Variants in CAP2 observed in about 807,000 individuals in gnomAD.
CAP2 encodes the protein cyclase associated actin cytoskeleton regulatory protein 2.
CAP2 carries 24 observed loss-of-function variants against 57.7 expected under a neutral mutation model. The ratio of observed to expected loss-of-function variants is 0.42; its 90% CI spans 0.30 to 0.58. CAP2 has a LOEUF of 0.58. CAP2 is among the 20% of genes least tolerant of loss of function. CAP2 has a pLI of 0.22. For missense variants in CAP2, 501 were observed against 590.3 expected, an observed-to-expected ratio of 0.85 and a Z score of 1.57; for synonymous variants, 194 against 207.2, an observed-to-expected ratio of 0.94 and a Z score of 0.55.
At chr6:17,516,156 C>G (rs892876524) in intron 7 of CAP2, among the ~76,000 whole-genome samples, 6 of 152,244 alleles carry the variant, frequency 3.9e-5, no homozygotes, top group African/African-American at 1.4e-4. Context: ...TCTGGGTTGA[C>G]TGGCTCTGCT....
chr6:17,424,297 G>A (rs900097860), intron 2 of CAP2, among the ~76,000 whole-genome samples: 2 of 152,166 alleles, frequency 1.3e-5, no homozygotes, highest in Non-Finnish European at 2.9e-5. Flanking sequence ...CTACTCGGGA[G>A]GCTGAGGCAG....
intron 7 of CAP2, 81 bp downstream of exon 7, chr6:17,514,035 T>G (rs1393546685): frequency 1.1e-6 from 1 of 881,622 alleles, no homozygotes; most frequent in African/African-American, 1.7e-5. Context: ...ATCTCACACC[T>G]TAAAACTTAC....
At chr6:17,543,289 GC>G in intron 11 of CAP2, 146 bp downstream of exon 11, 1 of 692,050 alleles carries the variant, frequency 1.4e-6, no homozygotes, top group Non-Finnish European at 2.5e-6. Flanking sequence ...ACTGTAAGCT[GC>G]GGCCTTGCAC....
chr6:17,410,176 T>TC (rs1162948935), intron 1 of CAP2, among the ~76,000 whole-genome samples: 1 of 152,214 alleles, frequency 6.6e-6, no homozygotes, highest in African/African-American at 2.4e-5. Flanking sequence ...TTCCCAGGGC[T>TC]CAGTTGCATG....
intron 4 of CAP2, among the ~76,000 whole-genome samples, chr6:17,501,842 A>G (rs1761829550): frequency 6.6e-6 from 1 of 152,218 alleles, no homozygotes; most frequent in Non-Finnish European, 1.5e-5. Context: ...AGTCGCATCC[A>G]GCTAAGATAA....
chr6:17,421,721 CT>C, intron 2 of CAP2, 45 bp downstream of exon 2: 1 of 1,608,992 alleles, frequency 6.2e-7, no homozygotes, highest in East Asian at 2.2e-5. Flanking sequence ...TTGTGGGTTA[CT>C]TCATTTTGTT....
intron 4 of CAP2, among the ~76,000 whole-genome samples, chr6:17,486,260 A>G (rs1266581830): frequency 6.6e-6 from 1 of 152,228 alleles, no homozygotes; most frequent in Non-Finnish European, 1.5e-5. Context: ...AAGTTGTGAC[A>G]GTTGATAATT....
chr6:17,503,812 G>A (rs1202047603), intron 4 of CAP2, among the ~76,000 whole-genome samples: 3 of 152,300 alleles, frequency 2.0e-5, no homozygotes, highest in Non-Finnish European at 4.4e-5. Context: ...ACAGAGTGCA[G>A]TCCCTAACAA....
chr6:17,515,931 C>A (rs77637279), intron 7 of CAP2, among the ~76,000 whole-genome samples: 3,537 of 152,268 alleles, frequency 0.023, 144 homozygotes, highest in African/African-American at 0.079. Context: ...TTGTGGTATC[C>A]TGAACAAAGC....
At chr6:17,411,243 A>C (rs1759135290) in intron 1 of CAP2, among the ~76,000 whole-genome samples, 1 of 152,232 alleles carries the variant, frequency 6.6e-6, no homozygotes, top group Non-Finnish European at 1.5e-5. Flanking sequence ...TATTATGAAC[A>C]GTGCTGCTAT....
intron 11 of CAP2, among the ~76,000 whole-genome samples, chr6:17,546,454 A>C (rs186063820): frequency 0.013 from 2,047 of 152,314 alleles, 33 homozygotes; most frequent in Middle Eastern, 0.037. Context: ...GCCCTTTGTC[A>C]GATGAGTAGA....
At chr6:17,553,685 C>A (rs745941230) in intron 12 of CAP2, among the ~76,000 whole-genome samples, 2 of 151,226 alleles carry the variant, frequency 1.3e-5, no homozygotes, top group Non-Finnish European at 2.9e-5. Context: ...TACCTTGTGG[C>A]CCTCTTCACA....
At chr6:17,531,821 A>G (rs1333366397) in intron 7 of CAP2, among the ~76,000 whole-genome samples, 2 of 152,148 alleles carry the variant, frequency 1.3e-5, no homozygotes, top group Non-Finnish European at 2.9e-5. Flanking sequence ...CGTCCTGAGG[A>G]GAGCTGGTCA....
intron 12 of CAP2, among the ~76,000 whole-genome samples, chr6:17,555,709 G>A (rs1446804435): frequency 2.6e-5 from 4 of 151,564 alleles, no homozygotes; most frequent in South Asian, 2.1e-4. Context: ...GACTACAGGC[G>A]CATGCCACCA....
chr6:17,520,252 C>G (rs113364693), intron 7 of CAP2, among the ~76,000 whole-genome samples: 1,869 of 152,198 alleles, frequency 0.012, 46 homozygotes, highest in African/African-American at 0.043. Context: ...AGGCTACAGG[C>G]GTGCACCAAC....
chr6:17,535,993 A>G, intron 7 of CAP2, among the ~76,000 whole-genome samples: 1 of 152,004 alleles, frequency 6.6e-6, no homozygotes, highest in Non-Finnish European at 1.5e-5. Flanking sequence ...TAATTTTTGT[A>G]TTTTTAGTAG....
intron 4 of CAP2, among the ~76,000 whole-genome samples, chr6:17,473,020 A>G (rs528666666): frequency 6.6e-6 from 1 of 151,120 alleles, no homozygotes; most frequent in East Asian, 1.9e-4. Flanking sequence ...TCCTGTTGGA[A>G]CATCACTCAT....
chr6:17,442,012 AT>A (rs1760093565), intron 3 of CAP2, among the ~76,000 whole-genome samples: 5 of 152,198 alleles, frequency 3.3e-5, no homozygotes, highest in Admixed American at 2.6e-4. Flanking sequence ...ATAACTCGTT[AT>A]TGCCTGTACA....
At chr6:17,424,177 G>A (rs570943744) in intron 2 of CAP2, among the ~76,000 whole-genome samples, 42 of 152,170 alleles carry the variant, frequency 2.8e-4, no homozygotes, top group African/African-American at 7.5e-4. Flanking sequence ...GCGGCGAGCC[G>A]ATCACGAGGT....
Sources: gnomAD v4.1 joint callset for allele counts (sites outside exome capture counted in the v4.1 genomes callset) on GRCh38, gnomAD v4.1.1 for gene constraint, MANE v1.5 for transcripts, NCBI Gene and HGNC (gene_info 2026-07-23, HGNC 2026-07-21) for gene names.